Variants in MSI2 observed in about 807,000 individuals in gnomAD.
MSI2 encodes the protein musashi RNA binding protein 2, also known as RNA-binding protein Musashi homolog 2.
A neutral mutation model predicts 45.6 loss-of-function variants in MSI2; 17 were observed. The observed-to-expected ratio is 0.37, with a 90% CI of 0.26 to 0.56. The LOEUF (loss-of-function observed/expected upper bound fraction) is 0.56. Ranked by LOEUF, MSI2 falls within the 20% of genes least tolerant of loss-of-function variation. MSI2 has a pLI of 0.77. For missense variants in MSI2, 293 were observed against 444.2 expected (o/e 0.66, Z 3.06); for synonymous variants, 156 against 158.2 (o/e 0.99, Z 0.11).
At chr17:57,335,636 T>C (rs1012896703) in intron 5 of MSI2, among the ~76,000 whole-genome samples, 1 of 152,204 alleles carries the variant, frequency 6.6e-6, no homozygotes, top group East Asian at 1.9e-4. Flanking sequence ...GCAGTGAACT[T>C]AACAAAATGC....
chr17:57,548,898 TCC>T (rs758120237), intron 7 of MSI2, among the ~76,000 whole-genome samples: 7 of 121,300 alleles, frequency 5.8e-5, no homozygotes, highest in Non-Finnish European at 8.5e-5. Context: ...TGTTTACCCT[TCC>T]CCCCCCCACC....
At chr17:57,344,923 C>A (rs1915475612) in intron 5 of MSI2, among the ~76,000 whole-genome samples, 1 of 151,308 alleles carries the variant, frequency 6.6e-6, no homozygotes, top group South Asian at 2.1e-4. Context: ...ATTAGCCGGG[C>A]ATGGTGGCAT....
At position 57,623,131 on chromosome 17, in the gene MSI2, T is replaced by TTA; in HGVS notation, c.653-4097_653-4096dup. 2.0e-5 allele frequency among the ~76,000 whole-genome samples: 3 copies of TTA among 152,298 alleles called. No homozygotes were observed. In the Middle Eastern group the frequency reaches 0.01, roughly 518 times the overall value. ...TGGGGGCAAAGCATCTTTGTAGACT[T>TTA]TAGCCTTCGCGTCCTTGCCTAGGAA... On this transcript the variant is annotated intron_variant, in intron 9 of 13. Coordinates refer to ENST00000284073, the MANE Select transcript of MSI2 (RefSeq NM_138962.4).
chr17:57,691,204 T>TCTC, the MSI2 span, among the ~76,000 whole-genome samples: 4 of 35,056 alleles, frequency 1.1e-4, no homozygotes, highest in East Asian at 3.1e-3. Flanking sequence ...CTCTCTCATC[T>TCTC]ATCTATCTAT....
intron 8 of MSI2, among the ~76,000 whole-genome samples, 176 bp from the exon 9 acceptor site, chr17:57,615,794 C>A (rs998524918): frequency 3.9e-5 from 6 of 152,198 alleles, no homozygotes; most frequent in Non-Finnish European, 8.8e-5. Context: ...AGGATTTGCA[C>A]AAGTGGCGTG....
At chr17:57,546,410 T>TA (rs2087169306) in intron 7 of MSI2, among the ~76,000 whole-genome samples, 1 of 152,186 alleles carries the variant, frequency 6.6e-6, no homozygotes, top group Non-Finnish European at 1.5e-5. Flanking sequence ...GTGATGCTAA[T>TA]AAAAACGAAC....
intron 5 of MSI2, among the ~76,000 whole-genome samples, chr17:57,382,631 G>C (rs911255312): frequency 6.6e-6 from 1 of 152,204 alleles, no homozygotes; most frequent in Non-Finnish European, 1.5e-5. Flanking sequence ...AGAAAACCCT[G>C]CTGGCAATTT....
intron 6 of MSI2, among the ~76,000 whole-genome samples, chr17:57,517,970 A>G (rs1766745483): frequency 6.6e-6 from 1 of 152,072 alleles, no homozygotes; most frequent in Admixed American, 6.6e-5. Flanking sequence ...TCTGCAACCA[A>G]CTCTGCGTGT....
chr17:57,458,776 T>G (rs139243889), intron 6 of MSI2, among the ~76,000 whole-genome samples: 1 of 152,304 alleles, frequency 6.6e-6, no homozygotes, highest in Non-Finnish European at 1.5e-5. Flanking sequence ...CCAGGCTTTG[T>G]TCAAGGTGGG....
Position 57,409,824 on chromosome 17 carries a change from T to C in MSI2, c.405+8353T>C, listed in dbSNP as rs140078228. On this transcript the variant is annotated intron_variant, in intron 6 of 13. Transcript: ENST00000284073. ...GAGTTCGAGACCAGCCTGGCCAACATGGTGAAACCCTGTCTCTACTAAAAA... is the reference window on the plus strand; with the variant it reads ...GAGTTCGAGACCAGCCTGGCCAACACGGTGAAACCCTGTCTCTACTAAAAA... Among the ~76,000 whole-genome samples the C allele has an allele frequency of 1.8e-3, 280 of 151,946 alleles. 2 individuals carry two copies. Among genetic ancestry groups the C allele is most frequent in the African/African-American group, 2.9e-3 (121 of 41,436 alleles).
chr17:57,315,620 C>G (rs1242653486), intron 5 of MSI2, among the ~76,000 whole-genome samples: 3 of 152,106 alleles, frequency 2.0e-5, no homozygotes, highest in Admixed American at 6.5e-5. Flanking sequence ...CCAAAGCCCA[C>G]TGGTGGTAAA....
At chr17:57,390,382 C>T (rs377060745) in intron 5 of MSI2, among the ~76,000 whole-genome samples, 4 of 152,176 alleles carry the variant, frequency 2.6e-5, no homozygotes, top group African/African-American at 9.7e-5. Context: ...TACTGATGCC[C>T]AGGTCTCACC....
chr17:57,576,710 G>A (rs190409821), intron 7 of MSI2, among the ~76,000 whole-genome samples: 120 of 147,968 alleles, frequency 8.1e-4, no homozygotes, highest in Non-Finnish European at 1.3e-3. Context: ...GCTGAGATGC[G>A]CCACTGCCCT....
At chr17:57,698,892 AGTGTGTGTGTGTGTGTGTGTGTGTGT>A in the MSI2 span, among the ~76,000 whole-genome samples, 1 of 118,618 alleles carries the variant, frequency 8.4e-6, no homozygotes, top group South Asian at 3.2e-4. Context: ...GATACAAGGA[AGTGTGTGTGTGTGTGTGTGTGTGTGT>A]GTGTGTGTGT....
At chr17:57,442,518 T>C (rs2143476210) in intron 6 of MSI2, among the ~76,000 whole-genome samples, 1 of 152,160 alleles carries the variant, frequency 6.6e-6, no homozygotes, top group East Asian at 1.9e-4. Context: ...TTGTACAGCC[T>C]GACCAGCAGT....
intron 6 of MSI2, among the ~76,000 whole-genome samples, chr17:57,518,849 G>A (rs1025012636): frequency 3.9e-5 from 6 of 152,238 alleles, no homozygotes; most frequent in African/African-American, 1.4e-4. Flanking sequence ...AGCCTCACAC[G>A]AGAGGCCGTT....
intron 6 of MSI2, among the ~76,000 whole-genome samples, chr17:57,463,548 G>A (rs1351085934): frequency 1.3e-5 from 2 of 152,064 alleles, no homozygotes; most frequent in East Asian, 3.9e-4. Flanking sequence ...CTCCCCAACA[G>A]CCCGGGGCTT....
chr17:57,362,365 G>A (rs1041549279), intron 5 of MSI2, among the ~76,000 whole-genome samples: 1 of 152,126 alleles, frequency 6.6e-6, no homozygotes, highest in East Asian at 1.9e-4. Flanking sequence ...TTTCCTAAAC[G>A]GAAGATCCTG....
intron 5 of MSI2, among the ~76,000 whole-genome samples, chr17:57,372,554 T>C (rs1215233206): frequency 1.3e-5 from 2 of 152,210 alleles, no homozygotes; most frequent in Non-Finnish European, 2.9e-5. Flanking sequence ...TTTCTCTTTT[T>C]GGAGGAAAAA....
Sources: gnomAD v4.1 joint callset for allele counts (sites outside exome capture counted in the v4.1 genomes callset) on GRCh38, gnomAD v4.1.1 for gene constraint, MANE v1.5 for transcripts, NCBI Gene and HGNC (gene_info 2026-07-23, HGNC 2026-07-21) for gene names.